Variants in FBXO11 observed in about 807,000 individuals in gnomAD.
The protein encoded by FBXO11 is F-box protein 11.
In FBXO11, 13 loss-of-function variants were observed where a neutral mutation model predicts 117.0. The ratio of observed to expected loss-of-function variants is 0.11; its 90% confidence interval spans 0.07 to 0.18. The LOEUF is 0.18. FBXO11 is among the 10% of genes least tolerant of loss of function. FBXO11 has a pLI of 1.00. For missense variants in FBXO11, 767 were observed against 1,164.4 expected, an observed-to-expected ratio of 0.66 and a Z score of 4.97; for synonymous variants, 490 against 380.5, an observed-to-expected ratio of 1.29 and a Z score of -3.35.
chr2:47,903,190 ATCTTTATTATTT>A (rs1347647758), intron 1 of FBXO11, among the ~76,000 whole-genome samples: 1 of 152,182 alleles, frequency 6.6e-6, no homozygotes, highest in African/African-American at 2.4e-5. Context: ...GGCTGGCAAC[ATCTTTATTATTT>A]TAGTTAACGA....
chr2:47,835,092 A>AT (rs1176002214), intron 5 of FBXO11, among the ~76,000 whole-genome samples: 1 of 152,230 alleles, frequency 6.6e-6, no homozygotes, highest in Admixed American at 6.5e-5. Context: ...CATTACTGAT[A>AT]TTTTAAGTCA....
chr2:47,811,197 C>A (rs1670587425), intron 18 of FBXO11: 1 of 152,138 alleles, frequency 6.6e-6, no homozygotes, highest in South Asian at 2.1e-4. Context: ...TTTGGGTGAT[C>A]TTACATCTTG....
chr2:47,846,152 A>T (rs1160866875), intron 1 of FBXO11, among the ~76,000 whole-genome samples: 4 of 152,188 alleles, frequency 2.6e-5, no homozygotes, highest in Non-Finnish European at 1.5e-5. Context: ...TTTTGTGCCA[A>T]CAAGTCTAAA....
chr2:47,903,406 T>G (rs917156168), intron 1 of FBXO11, among the ~76,000 whole-genome samples: 2 of 152,162 alleles, frequency 1.3e-5, no homozygotes, highest in African/African-American at 4.8e-5. Flanking sequence ...ATACTGAAAT[T>G]TGGATTCATG....
chr2:47,856,465 T>C (rs1042271521), intron 1 of FBXO11, among the ~76,000 whole-genome samples: 1 of 152,078 alleles, frequency 6.6e-6, no homozygotes, highest in Non-Finnish European at 1.5e-5. Context: ...CCAGTATACA[T>C]TGGAAGAGGG....
intron 1 of FBXO11, among the ~76,000 whole-genome samples, chr2:47,892,346 G>A (rs995045136): frequency 5.3e-5 from 8 of 152,136 alleles, no homozygotes; most frequent in African/African-American, 1.9e-4. Flanking sequence ...ACCCGAAAGG[G>A]TATATTTTCT....
rs565448482 is a variant in FBXO11 at position 47,846,093 on chromosome 2, G to A, written c.233-6324C>T. The stretch of plus-strand genomic sequence containing the variant: ...AAAGCCAACGATCCATGATAGATGC[G>A]GCAAACTGGCTCCAACCCAAGAAAC... On this transcript the variant is annotated intron_variant, in intron 1 of 22. Coordinates refer to ENST00000403359, the MANE Select transcript of FBXO11 (RefSeq NM_001190274.2). 8.5e-5 allele frequency among the ~76,000 whole-genome samples: 13 copies of A among 152,238 alleles called. No homozygotes were observed. The South Asian group carries it at 2.1e-3, about 24-fold the overall frequency.
intron 1 of FBXO11, among the ~76,000 whole-genome samples, chr2:47,846,594 T>C (rs913852105): frequency 7.2e-5 from 11 of 152,318 alleles, no homozygotes; most frequent in Admixed American, 6.5e-4. Context: ...ATTTTAACTA[T>C]AATTCACAGA....
chr2:47,855,818 G>A (rs1674248506), intron 1 of FBXO11, among the ~76,000 whole-genome samples: 1 of 150,426 alleles, frequency 6.6e-6, no homozygotes, highest in Admixed American at 6.6e-5. Flanking sequence ...GGCAACAAGA[G>A]CGAAACTCCA....
At chr2:47,815,562 G>A (rs1344696898) in intron 16 of FBXO11, among the ~76,000 whole-genome samples, 9 of 152,146 alleles carry the variant, frequency 5.9e-5, no homozygotes, top group South Asian at 2.1e-4. Context: ...GCCATACTTC[G>A]GGGTTTAATG....
At chr2:47,871,988 C>A (rs1347592164) in intron 1 of FBXO11, among the ~76,000 whole-genome samples, 1 of 152,176 alleles carries the variant, frequency 6.6e-6, no homozygotes, top group Non-Finnish European at 1.5e-5. Flanking sequence ...TTATTTATAA[C>A]CTCCAGTTCT....
chr2:47,861,907 G>GTT (rs367983630), intron 1 of FBXO11, among the ~76,000 whole-genome samples: 53 of 145,794 alleles, frequency 3.6e-4, no homozygotes, highest in Non-Finnish European at 3.5e-4. Flanking sequence ...GTAAGGTTAA[G>GTT]TTTTTTTTTT....
At chr2:47,904,485 T>C (rs561988353) in intron 1 of FBXO11, among the ~76,000 whole-genome samples, 1 of 152,162 alleles carries the variant, frequency 6.6e-6, no homozygotes, top group South Asian at 2.1e-4. Context: ...CCTCAGCCCT[T>C]AGACAATGGT....
chr2:47,840,222 C>T (rs1057430762), intron 1 of FBXO11, among the ~76,000 whole-genome samples: 1 of 151,986 alleles, frequency 6.6e-6, no homozygotes, highest in Non-Finnish European at 1.5e-5. Flanking sequence ...GGATTACAGG[C>T]GTGAGCCACC....
At chr2:47,858,994 G>A (rs1361585832) in intron 1 of FBXO11, among the ~76,000 whole-genome samples, 3 of 144,842 alleles carry the variant, frequency 2.1e-5, no homozygotes, top group Non-Finnish European at 3.0e-5. Flanking sequence ...AGCAGAGATC[G>A]CGCCACTCTG....
chr2:47,835,024 A>G (rs1038068883), intron 5 of FBXO11, among the ~76,000 whole-genome samples, 153 bp from the exon 6 acceptor site: 2 of 152,268 alleles, frequency 1.3e-5, no homozygotes, highest in Admixed American at 6.5e-5. Context: ...TGTAAAATCT[A>G]AAACAAGTTA....
Position 47,825,700 on chromosome 2 carries a change from C to A in FBXO11, c.1399-2340G>T, listed in dbSNP as rs909618105. Among the ~76,000 whole-genome samples, 75 of 151,922 alleles carry A rather than the reference C, an allele frequency of 4.9e-4. 1 individual carries two copies. Among genetic ancestry groups the A allele is most frequent in the African/African-American group, 1.6e-3 (68 of 41,418 alleles). ...CAAACGATCCTCCCCACTCAACCTCCCAAGTAGCTGAGACCACGGGTGCAT... is the reference window on the plus strand; with the variant it reads ...CAAACGATCCTCCCCACTCAACCTCACAAGTAGCTGAGACCACGGGTGCAT... On this transcript the variant is annotated intron_variant, in intron 11 of 22. Coordinates refer to ENST00000403359, the MANE Select transcript of FBXO11 (RefSeq NM_001190274.2).
intron 2 of FBXO11, 33 bp from the exon 3 acceptor site, chr2:47,839,533 A>C (rs1177605433): frequency 6.2e-7 from 1 of 1,609,466 alleles, no homozygotes; most frequent in African/African-American, 1.3e-5. Context: ...AGTAAAGCAA[A>C]TATTCTTATC....
At chr2:47,903,220 T>C (rs1219565215) in intron 1 of FBXO11, among the ~76,000 whole-genome samples, 1 of 152,218 alleles carries the variant, frequency 6.6e-6, no homozygotes, top group African/African-American at 2.4e-5. Flanking sequence ...CGAATTCATC[T>C]TAATGTTTTA....
Sources: gnomAD v4.1 joint callset for allele counts (sites outside exome capture counted in the v4.1 genomes callset) on GRCh38, gnomAD v4.1.1 for gene constraint, MANE v1.5 for transcripts, NCBI Gene and HGNC (gene_info 2026-07-23, HGNC 2026-07-21) for gene names.